CSMD1: variants seen among roughly 807,000 people sequenced by gnomAD.
CSMD1 encodes CUB and sushi domain-containing protein 1.
Under a neutral mutation model 417.5 loss-of-function variants are expected in CSMD1, and 213 were observed. The observed-to-expected ratio is 0.51, with a 90% CI of 0.46 to 0.57. The LOEUF (loss-of-function observed/expected upper bound fraction) is 0.57, where lower values mean the gene tolerates loss of function less well. Ranked by LOEUF, CSMD1 falls within the 20% of genes least tolerant of loss-of-function variation. The probability of loss-of-function intolerance (pLI) is 0.00; values close to 1 mark genes in which losing one functional copy is unlikely to be tolerated. For missense variants in CSMD1, 6,923 were observed against 4,529.7 expected, an observed-to-expected ratio of 1.53 and a Z score of -15.17; for synonymous variants, 2,862 against 1,736.8, an observed-to-expected ratio of 1.65 and a Z score of -16.11.
At position 3,235,916 on chromosome 8, in the gene CSMD1, G is replaced by GTTTTTTTTT. The variant is rs11414439; in HGVS notation, c.4154-5694_4154-5686dup. ...TTATGCCAGTTATATGAAGATGTAA[G>GTTTTTTTTT]TTTTTTTTTTTTTTTTTTTGAGACA... On this transcript the variant is annotated intron_variant, in intron 26 of 69. Transcript: ENST00000635120. Among the ~76,000 whole-genome samples, 674 of 119,260 alleles carry GTTTTTTTTT rather than the reference G, an allele frequency of 5.7e-3. 25 individuals are homozygous for GTTTTTTTTT. Among genetic ancestry groups the GTTTTTTTTT allele is most frequent in the African/African-American group, 0.01 (328 of 31,672 alleles). The allele number at this position is 119,260 out of a possible 152,430, so 78.2% of individuals were successfully genotyped here. A position where few individuals can be genotyped will look rare whatever the true frequency, so the allele number is the denominator to read the frequency against.
At position 3,230,086 on chromosome 8, in the gene CSMD1, C is replaced by T; in HGVS notation, c.4299G>A (p.Gln1433=). The change falls in exon 27 of 70, where the codon CAG becomes CAA. Residue 1433 remains glutamine, a synonymous_variant. Coordinates refer to ENST00000635120, the MANE Select transcript of CSMD1 (RefSeq NM_033225.6). ...GTTGCCAAAAGAACCGGTTATTCAG[C>T]TGCACACAGGTGATTTTGGCTTGTC... ...LQGQAKITCV[Q]LNNRFFWQPD... The T allele has an allele frequency of 6.2e-7, 1 of 1,612,678 alleles. No individual in the cohort carries two copies. The highest frequency in any genetic ancestry group is 8.5e-7 in the Non-Finnish European group (1 of 1,179,300).
intron 5 of CSMD1, among the ~76,000 whole-genome samples, chr8:3,949,590 T>A (rs571086014): frequency 6.6e-6 from 1 of 152,102 alleles, no homozygotes; most frequent in Non-Finnish European, 1.5e-5. Flanking sequence ...GGGAAACTAA[T>A]TGAAGAACAT....
intron 26 of CSMD1, among the ~76,000 whole-genome samples, chr8:3,240,192 G>A (rs990782773): frequency 6.6e-6 from 1 of 152,116 alleles, no homozygotes; most frequent in Non-Finnish European, 1.5e-5. Flanking sequence ...AATTCTGACT[G>A]CGCAGCCCAC....
intron 7 of CSMD1, chr8:3,704,751 T>G (rs1217566840): frequency 2.6e-5 from 4 of 152,174 alleles, no homozygotes; most frequent in East Asian, 1.9e-4. Flanking sequence ...CTTGATCTGT[T>G]TAATTATCAA....
rs1200519605 is a variant in CSMD1, at chr8:4,123,132, A to C, written c.416-91033T>G. Among the ~76,000 whole-genome samples the C allele has an allele frequency of 2.0e-5, 3 of 152,370 alleles. No individual in the cohort carries two copies. The East Asian group carries it at 5.8e-4, about 29-fold the overall frequency. ...TGATCCATCAGTACACAAAATAGGA[A>C]GATGAAGAATATTTAGGCAGTCCAT... On this transcript the variant is annotated intron_variant, in intron 3 of 69. Coordinates refer to ENST00000635120, the MANE Select transcript of CSMD1 (RefSeq NM_033225.6).
chr8:3,428,063 T>C (rs1488382058), intron 12 of CSMD1, among the ~76,000 whole-genome samples: 1 of 152,270 alleles, frequency 6.6e-6, no homozygotes, highest in African/African-American at 2.4e-5. Context: ...CCATTACTTA[T>C]ATCTGAAGGT....
intron 3 of CSMD1, among the ~76,000 whole-genome samples, chr8:4,355,341 A>ACATG (rs1429326484): frequency 6.6e-6 from 1 of 151,726 alleles, no homozygotes; most frequent in Non-Finnish European, 1.5e-5. Context: ...ACACACACGT[A>ACATG]TATATGATAT....
intron 2 of CSMD1, among the ~76,000 whole-genome samples, chr8:4,590,893 A>C (rs999594309): frequency 2.1e-4 from 32 of 152,222 alleles, no homozygotes; most frequent in African/African-American, 7.5e-4. Flanking sequence ...CTCATCGTAC[A>C]CATTTCTGTG....
chr8:4,557,448 A>G (rs1798145525), intron 2 of CSMD1, among the ~76,000 whole-genome samples: 2 of 151,830 alleles, frequency 1.3e-5, no homozygotes, highest in Non-Finnish European at 2.9e-5. Flanking sequence ...TTTTGAAATG[A>G]GATGAAATAC....
intron 8 of CSMD1, among the ~76,000 whole-genome samples, chr8:3,611,046 C>T (rs1231588948): frequency 7.8e-6 from 1 of 127,804 alleles, no homozygotes; most frequent in Non-Finnish European, 1.5e-5. Context: ...AACACATGGA[C>T]ACAGGAAGGG....
intron 3 of CSMD1, among the ~76,000 whole-genome samples, chr8:4,341,745 T>C (rs918296072): frequency 6.6e-6 from 1 of 152,120 alleles, no homozygotes; most frequent in African/African-American, 2.4e-5. Flanking sequence ...ATTAGGCAGT[T>C]AGGGTGCATT....
intron 2 of CSMD1, among the ~76,000 whole-genome samples, chr8:4,422,445 A>C (rs1445056596): frequency 6.6e-6 from 1 of 152,112 alleles, no homozygotes. Context: ...CTCTGATCCC[A>C]TAGGGTAAGC....
Position 3,586,243 on chromosome 8 carries a change from T to C in CSMD1, c.1115A>G (p.Gln372Arg). ...GSDFRVGANV[Q>R]FSCEDNYVLQ... Reference sequence around the variant, plus strand: ...CACGTAATTGTCCTCACATGAAAACTGTACATTTGCACCAACCCTAAGCCG... The same window carrying C: ...CACGTAATTGTCCTCACATGAAAACCGTACATTTGCACCAACCCTAAGCCG... Residue 372 changes from glutamine (Q) to arginine (R), a missense_variant, in exon 9 of 70, where the codon CAG (glutamine) becomes CGG (arginine). Coordinates refer to ENST00000635120, the MANE Select transcript of CSMD1 (RefSeq NM_033225.6). The C allele has an allele frequency of 6.2e-7, 1 of 1,609,288 alleles. No individual in the cohort carries two copies. Among genetic ancestry groups the C allele is most frequent in the Non-Finnish European group, 8.5e-7 (1 of 1,178,662 alleles).
intron 5 of CSMD1, among the ~76,000 whole-genome samples, chr8:3,909,171 A>T (rs1439010807): frequency 6.6e-6 from 1 of 152,226 alleles, no homozygotes; most frequent in Non-Finnish European, 1.5e-5. Context: ...AGACTGGGTC[A>T]GGCTGTAGCT....
intron 5 of CSMD1, among the ~76,000 whole-genome samples, chr8:3,861,653 G>A (rs1216780382): frequency 2.0e-5 from 3 of 152,140 alleles, no homozygotes; most frequent in Non-Finnish European, 4.4e-5. Flanking sequence ...GATGTATATG[G>A]CTCTCCTGTT....
chr8:3,348,673 C>T (rs1808179744), intron 21 of CSMD1, among the ~76,000 whole-genome samples: 1 of 151,858 alleles, frequency 6.6e-6, no homozygotes, highest in African/African-American at 2.4e-5. Flanking sequence ...GATGTCACAT[C>T]CCTGAATGCC....
At chr8:3,320,059 C>A (rs954096355) in intron 23 of CSMD1, among the ~76,000 whole-genome samples, 4 of 152,150 alleles carry the variant, frequency 2.6e-5, no homozygotes, top group Non-Finnish European at 5.9e-5. Flanking sequence ...CTACCATGAA[C>A]TCCAGCATAG....
intron 3 of CSMD1, among the ~76,000 whole-genome samples, chr8:4,347,487 G>C (rs1027511719): frequency 6.6e-6 from 1 of 152,130 alleles, no homozygotes; most frequent in African/African-American, 2.4e-5. Flanking sequence ...GAAATTGCAA[G>C]ACTAAAGGAG....
intron 5 of CSMD1, among the ~76,000 whole-genome samples, chr8:3,889,732 G>C (rs1024760823): frequency 6.6e-6 from 1 of 151,638 alleles, no homozygotes; most frequent in Non-Finnish European, 1.5e-5. Flanking sequence ...TTGTGAAACA[G>C]ACTTATTATG....
Sources: gnomAD v4.1 joint callset for allele counts (sites outside exome capture counted in the v4.1 genomes callset) on GRCh38, gnomAD v4.1.1 for gene constraint, MANE v1.5 for transcripts, NCBI Gene and HGNC (gene_info 2026-07-23, HGNC 2026-07-21) for gene names.